The following TRPV1 variants were observed in gnomAD, a reference collection of about 807,000 sequenced individuals.
The protein encoded by TRPV1 is OTRPC1.
In TRPV1, 82 loss-of-function variants were observed where a neutral mutation model predicts 82.3. That is an observed-to-expected ratio of 1.00 (90% CI 0.83 to 1.20). TRPV1 has a LOEUF of 1.20. TRPV1 is among the 50% of genes most tolerant of loss of function. The pLI is 0.00. For synonymous variants in TRPV1, 515 were observed against 467.7 expected (o/e 1.10, Z -1.30); for missense variants, 1,067 against 1,096.8 (o/e 0.97, Z 0.38).
At chr17:3,574,400 G>A (rs1411747246) in intron 13 of TRPV1, among the ~76,000 whole-genome samples, 2 of 152,212 alleles carry the variant, frequency 1.3e-5, no homozygotes, top group Non-Finnish European at 2.9e-5. Context: ...TGCAGCAGCT[G>A]TGCATCGTGG....
In TRPV1 at chr17:3,574,303, T is replaced by A. The variant is rs926892630; in HGVS notation, c.1781-348A>T. The stretch of plus-strand genomic sequence containing the variant: ...TCCCTCAGAGGTCCATTTTGCTCCA[T>A]GAGCACTGAGCCGCTCAGAGCAGAA... On this transcript the variant is annotated intron_variant, in intron 13 of 16. Coordinates refer to ENST00000572705, the MANE Select transcript of TRPV1 (RefSeq NM_080704.4). 2.6e-5 allele frequency among the ~76,000 whole-genome samples: 4 copies of A among 152,186 alleles called. No homozygotes were observed. The South Asian group carries it at 6.2e-4, about 24-fold the overall frequency.
Position 3,565,627 on chromosome 17 carries a change from G to A in TRPV1, c.*1188C>T, listed in dbSNP as rs201431818. 2 of 152,196 alleles carry A rather than the reference G, an allele frequency of 1.3e-5. No homozygotes were observed. Among genetic ancestry groups the A allele is most frequent in the Non-Finnish European group, 2.9e-5 (2 of 68,042 alleles). 9.4% of individuals were successfully genotyped at this position (152,196 alleles called of 1,614,324 possible). A position where few individuals can be genotyped will look rare whatever the true frequency, so the allele number is the denominator to read the frequency against. Reference sequence around the variant, plus strand: ...GCACAGCAATTGAGCTGATCTTCTGGAGACTGTGATTGATCGTAAGGAAGG... The same window carrying A: ...GCACAGCAATTGAGCTGATCTTCTGAAGACTGTGATTGATCGTAAGGAAGG... On this transcript the variant is annotated 3_prime_UTR_variant, in exon 17 of 17. Transcript: ENST00000572705.
At chr17:3,571,922 G>A (rs1251228485) in intron 15 of TRPV1, among the ~76,000 whole-genome samples, 200 bp downstream of exon 15, 3 of 152,136 alleles carry the variant, frequency 2.0e-5, no homozygotes, top group African/African-American at 7.2e-5. Flanking sequence ...TAGTGTCTGG[G>A]CCCCACCAGA....
intron 2 of TRPV1, among the ~76,000 whole-genome samples, chr17:3,597,269 C>T (rs573602137): frequency 6.6e-6 from 1 of 152,318 alleles, no homozygotes; most frequent in South Asian, 2.1e-4. Context: ...CAGAGCCAGC[C>T]AGAGCTGCAA....
At chr17:3,582,211 A>AAAAAAAAAAAAAAAAAAAC (rs2075030069) in intron 10 of TRPV1, among the ~76,000 whole-genome samples, 1 of 146,960 alleles carries the variant, frequency 6.8e-6, no homozygotes, top group Non-Finnish European at 1.5e-5. Context: ...AAAAAAAAAA[A>AAAAAAAAAAAAAAAAAAAC]AAATCACAGT....
intron 8 of TRPV1, among the ~76,000 whole-genome samples, chr17:3,586,344 C>A (rs140150322): frequency 6.6e-6 from 1 of 152,350 alleles, no homozygotes; most frequent in Non-Finnish European, 1.5e-5. Flanking sequence ...TCTCACGTTT[C>A]CAGCCCTGGG....
intron 8 of TRPV1, 137 bp from the exon 9 acceptor site, chr17:3,586,063 G>C: frequency 8.9e-7 from 1 of 1,127,356 alleles, no homozygotes; most frequent in Non-Finnish European, 1.3e-6. Flanking sequence ...TGGGAGGTCT[G>C]AGCCAGCCGG....
chr17:3,574,642 T>G (rs1325793689), intron 13 of TRPV1, among the ~76,000 whole-genome samples: 1 of 151,688 alleles, frequency 6.6e-6, no homozygotes, highest in African/African-American at 2.4e-5. Context: ...CAAAGCAGAG[T>G]CCAGTGCTCA....
At chr17:3,599,451 C>A (rs1005899391) in intron 2 of TRPV1, among the ~76,000 whole-genome samples, 1 of 152,052 alleles carries the variant, frequency 6.6e-6, no homozygotes, top group Admixed American at 6.6e-5. Flanking sequence ...CGACCCCAAC[C>A]CCCTAACGAC....
At chr17:3,586,697 A>C (rs2075089586) in intron 8 of TRPV1, among the ~76,000 whole-genome samples, 1 of 152,146 alleles carries the variant, frequency 6.6e-6, no homozygotes, top group South Asian at 2.1e-4. Flanking sequence ...CTTGAACCCC[A>C]GGAAGCAGAA....
rs1323824308 is a variant in TRPV1 at position 3,592,397 on chromosome 17, C to T, written c.-33-14G>A. 6.5e-7 allele frequency: 1 copy of T among 1,538,204 alleles called. No homozygotes were observed. Among genetic ancestry groups the T allele is most frequent in the Non-Finnish European group, 8.8e-7 (1 of 1,142,254 alleles). On this transcript the variant is annotated splice_polypyrimidine_tract_variant and intron_variant, in intron 2 of 16. Coordinates refer to ENST00000572705, the MANE Select transcript of TRPV1 (RefSeq NM_080704.4). ...CCAGTGTGCAACCTGCAGCAGCCAC[C>T]ACGCCGGGGTTGACTCCCAAAGTAA...
chr17:3,599,658 TCA>T (rs111427062), intron 2 of TRPV1, among the ~76,000 whole-genome samples: 6,409 of 149,596 alleles, frequency 0.043, 464 homozygotes, highest in African/African-American at 0.14. Flanking sequence ...AGATGAAGTC[TCA>T]CTCTGTCCCC....
chr17:3,592,322 C>A lies in TRPV1; in HGVS notation c.29G>T (p.Gly10Val). 1 of 1,597,022 alleles carries A rather than the reference C, an allele frequency of 6.3e-7. No individual in the cohort carries two copies. Among genetic ancestry groups the A allele is most frequent in the Non-Finnish European group, 8.5e-7 (1 of 1,171,504 alleles). ...CTTTTGGAGTGGGTCCGCAGCTGCC[C>A]CCAAGTCTGTGCTGCTCCATTTCTT... MKKWSSTDL[G>V]AAADPLQKDT... Residue 10 changes from glycine (G) to valine (V), a missense_variant, in exon 3 of 17, where the codon GGG (glycine) becomes GTG (valine). Transcript: ENST00000572705.
Position 3,591,136 on chromosome 17 carries a change from G to C in TRPV1, c.452-20C>G. On this transcript the variant is annotated intron_variant, in intron 4 of 16. Transcript: ENST00000572705. ...CAGGGTCTGAAAGACATAAGGGAGGGTCAGGGCAGGCCAGGGCTGGGGCCC... is the reference window on the plus strand; with the variant it reads ...CAGGGTCTGAAAGACATAAGGGAGGCTCAGGGCAGGCCAGGGCTGGGGCCC... 2 of 1,610,846 alleles carry C rather than the reference G, an allele frequency of 1.2e-6. No homozygotes were observed. The highest frequency in any genetic ancestry group is 1.3e-5 in the African/African-American group (1 of 75,032).
At chr17:3,591,919 C>T (rs1358996505) in intron 3 of TRPV1, 148 bp downstream of exon 3, 14 of 1,204,200 alleles carry the variant, frequency 1.2e-5, no homozygotes, top group Non-Finnish European at 6.8e-6. Flanking sequence ...CACGAGGTCA[C>T]ATGAGGAAGG....
intron 2 of TRPV1, among the ~76,000 whole-genome samples, chr17:3,594,157 C>CAAAAA (rs1567673368): frequency 2.7e-5 from 3 of 111,240 alleles, no homozygotes; most frequent in African/African-American, 2.2e-4. Flanking sequence ...AAAAAAGAAG[C>CAAAAA]AGCAGCAGCA....
At chr17:3,590,739 C>G (rs2075146155) in intron 5 of TRPV1, among the ~76,000 whole-genome samples, 1 of 151,976 alleles carries the variant, frequency 6.6e-6, no homozygotes, top group Non-Finnish European at 1.5e-5. Context: ...TTCTCAGGGT[C>G]AAGAGAGGAG....
chr17:3,580,483 A>C lies in TRPV1; in HGVS notation c.1521T>G (p.Phe507Leu), dbSNP rs765255207. The C allele has an allele frequency of 9.9e-6, 16 of 1,614,052 alleles. No homozygotes were observed. The highest frequency in any genetic ancestry group is 1.3e-5 in the Non-Finnish European group (15 of 1,179,902). Residue 507 changes from phenylalanine (F) to leucine (L), a missense_variant, in exon 11 of 17, where the codon TTT (phenylalanine) becomes TTG (leucine). Coordinates refer to ENST00000572705, the MANE Select transcript of TRPV1 (RefSeq NM_080704.4). ...AAAGCATCTCACTGTAGCTGTCCAC[A>C]AACAGGGTCTTCATCGACGGCCGCC... ...LQRRPSMKTL[F>L]VDSYSEMLFF...
chr17:3,601,423 C>T (rs1283217068), intron 2 of TRPV1, among the ~76,000 whole-genome samples: 1 of 151,848 alleles, frequency 6.6e-6, no homozygotes, highest in African/African-American at 2.4e-5. Context: ...CACCGAAACC[C>T]ACCTTCTGTC....
Sources: allele counts gnomAD v4.1 joint callset (sites outside exome capture counted in the v4.1 genomes callset), GRCh38; gene constraint gnomAD v4.1.1; transcripts MANE v1.5; gene names NCBI Gene and HGNC (gene_info 2026-07-23, HGNC 2026-07-21).